SYNPO2: variants seen among roughly 807,000 people sequenced by gnomAD.
The protein encoded by SYNPO2 is synaptopodin 2, also known as synaptopodin-2.
A neutral mutation model predicts 85.0 loss-of-function variants in SYNPO2; 56 were observed. The ratio of observed to expected loss-of-function variants is 0.66; its 90% CI spans 0.53 to 0.82. SYNPO2 has a LOEUF of 0.82. SYNPO2 is among the 40% of genes least tolerant of loss of function. The pLI is 0.00. For synonymous variants in SYNPO2, 602 were observed against 591.1 expected (o/e 1.02, Z -0.27); for missense variants, 1,575 against 1,534.2 (o/e 1.03, Z -0.44).
chr4:118,943,222 C>T (rs1043001424), intron 1 of SYNPO2, among the ~76,000 whole-genome samples: 1 of 152,146 alleles, frequency 6.6e-6, no homozygotes, highest in African/African-American at 2.4e-5. Flanking sequence ...CCAGACTTCT[C>T]CATGAAGCAA....
At chr4:119,024,290 A>C (rs60918951) in intron 2 of SYNPO2, among the ~76,000 whole-genome samples, 6,957 of 152,326 alleles carry the variant, frequency 0.046, 390 homozygotes, top group African/African-American at 0.13. Flanking sequence ...TCACAGTACA[A>C]TCCATACTGA....
intron 1 of SYNPO2, among the ~76,000 whole-genome samples, chr4:118,923,605 A>G (rs553449040): frequency 2.6e-5 from 4 of 152,298 alleles, no homozygotes; most frequent in Non-Finnish European, 5.9e-5. Context: ...GTAACATACA[A>G]TTTAAGAACC....
intron 1 of SYNPO2, among the ~76,000 whole-genome samples, chr4:119,007,131 C>T (rs1365684787): frequency 4.1e-5 from 6 of 146,846 alleles, no homozygotes; most frequent in African/African-American, 1.5e-4. Context: ...TTTCTCTCTT[C>T]TCTCTCTGTC....
At chr4:119,055,511 G>A (rs1383174372) in intron 4 of SYNPO2, among the ~76,000 whole-genome samples, 1 of 152,106 alleles carries the variant, frequency 6.6e-6, no homozygotes, top group Non-Finnish European at 1.5e-5. Flanking sequence ...AACTAGTACT[G>A]GATTGTGTGC....
At chr4:118,917,445 A>G (rs559803409) in intron 1 of SYNPO2, among the ~76,000 whole-genome samples, 2 of 152,216 alleles carry the variant, frequency 1.3e-5, no homozygotes, top group East Asian at 3.9e-4. Context: ...CAAACAACAA[A>G]AAAGAAACAA....
At chr4:118,870,092 A>G (rs548451984) in intron 1 of SYNPO2, among the ~76,000 whole-genome samples, 25 of 152,294 alleles carry the variant, frequency 1.6e-4, no homozygotes, top group African/African-American at 6.0e-4. Flanking sequence ...GAGTAATGAA[A>G]TCTGGTCAGC....
intron 1 of SYNPO2, among the ~76,000 whole-genome samples, chr4:118,969,417 C>CAAA (rs59526834): frequency 7.9e-5 from 12 of 151,728 alleles, no homozygotes; most frequent in Non-Finnish European, 1.6e-4. Context: ...TAAAAAAGTA[C>CAAA]GTTTCTCTCC....
At chr4:118,986,683 C>T (rs190155734) in intron 1 of SYNPO2, among the ~76,000 whole-genome samples, 5 of 152,306 alleles carry the variant, frequency 3.3e-5, no homozygotes, top group Admixed American at 1.3e-4. Context: ...GTCCAAACCA[C>T]GACTGGCCGC....
intron 1 of SYNPO2, among the ~76,000 whole-genome samples, chr4:118,860,383 A>G (rs1425565258): frequency 1.3e-5 from 2 of 151,806 alleles, no homozygotes; most frequent in East Asian, 1.9e-4. Flanking sequence ...AGCTGGGACT[A>G]CAGGCGTGCA....
At chr4:118,971,987 T>C (rs1735556980) in intron 1 of SYNPO2, among the ~76,000 whole-genome samples, 1 of 152,224 alleles carries the variant, frequency 6.6e-6, no homozygotes, top group East Asian at 1.9e-4. Context: ...GTGAGCGTCA[T>C]AGTACTCTAC....
chr4:118,870,877 G>A (rs150437493), intron 1 of SYNPO2, among the ~76,000 whole-genome samples: 117 of 152,292 alleles, frequency 7.7e-4, no homozygotes, highest in Middle Eastern at 3.4e-3. Flanking sequence ...TCCTGCATAT[G>A]TATCCCAAAA....
intron 1 of SYNPO2, among the ~76,000 whole-genome samples, chr4:118,917,163 G>C (rs1205968883): frequency 6.6e-6 from 1 of 152,198 alleles, no homozygotes; most frequent in South Asian, 2.1e-4. Context: ...AGGCCAAGGC[G>C]GGTGGATCGC....
intron 1 of SYNPO2, among the ~76,000 whole-genome samples, chr4:118,980,613 A>G (rs1735968861): frequency 6.6e-6 from 1 of 152,226 alleles, no homozygotes; most frequent in South Asian, 2.1e-4. Context: ...TTTCACTTAC[A>G]ATTTGAAAAA....
intron 4 of SYNPO2, among the ~76,000 whole-genome samples, chr4:119,044,481 G>A (rs961346954): frequency 6.6e-6 from 1 of 152,168 alleles, no homozygotes; most frequent in African/African-American, 2.4e-5. Flanking sequence ...AAAACAAGCT[G>A]TTGATGCCTT....
At chr4:119,051,068 G>C (rs1739021383) in intron 4 of SYNPO2, among the ~76,000 whole-genome samples, 1 of 151,638 alleles carries the variant, frequency 6.6e-6, no homozygotes, top group African/African-American at 2.4e-5. Flanking sequence ...CAACAGGATA[G>C]TAAAGATATT....
chr4:118,881,150 A>C (rs1560819167), intron 1 of SYNPO2, among the ~76,000 whole-genome samples: 1 of 151,908 alleles, frequency 6.6e-6, no homozygotes, highest in Non-Finnish European at 1.5e-5. Flanking sequence ...AAAATACAAA[A>C]AATTAGCCGG....
At chr4:118,976,289 G>A (rs979687576) in intron 1 of SYNPO2, among the ~76,000 whole-genome samples, 19 of 152,064 alleles carry the variant, frequency 1.2e-4, no homozygotes, top group Non-Finnish European at 2.5e-4. Context: ...CAGCTCTTAA[G>A]GCAGCGCGTC....
At chr4:118,853,187 AT>A (rs1731448981) in intron 1 of SYNPO2, among the ~76,000 whole-genome samples, 2 of 152,280 alleles carry the variant, frequency 1.3e-5, no homozygotes, top group Admixed American at 6.5e-5. Flanking sequence ...CTTCATTCCT[AT>A]TTGTATTTTC....
At chr4:118,922,758 G>T (rs975924233) in intron 1 of SYNPO2, among the ~76,000 whole-genome samples, 20 of 151,746 alleles carry the variant, frequency 1.3e-4, no homozygotes, top group African/African-American at 4.8e-4. Context: ...ATTATAATGG[G>T]ATAGAGAGAC....
Sources: gnomAD v4.1 joint callset for allele counts (sites outside exome capture counted in the v4.1 genomes callset) on GRCh38, gnomAD v4.1.1 for gene constraint, MANE v1.5 for transcripts, NCBI Gene and HGNC (gene_info 2026-07-23, HGNC 2026-07-21) for gene names.